AQR: variants seen among roughly 807,000 people sequenced by gnomAD.
AQR encodes aquarius intron-binding spliceosomal factor, also known as RNA helicase aquarius.
AQR carries 61 observed loss-of-function variants against 180.5 expected under a neutral mutation model. The observed-to-expected ratio is 0.34, with a 90% CI of 0.28 to 0.42. The LOEUF (loss-of-function observed/expected upper bound fraction) is 0.42, where lower values mean the gene tolerates loss of function less well. AQR is among the 10% of genes least tolerant of loss of function. The pLI, the probability that AQR is intolerant of heterozygous loss-of-function variation, is 1.00. For synonymous variants in AQR, 551 were observed against 588.8 expected (o/e 0.94, Z 0.93); for missense variants, 1,281 against 1,798.3 (o/e 0.71, Z 5.20).
intron 3 of AQR, among the ~76,000 whole-genome samples, chr15:34,956,254 G>A (rs1164232413): frequency 6.6e-6 from 1 of 152,034 alleles, no homozygotes; most frequent in Non-Finnish European, 1.5e-5. Context: ...CACCCTTTTT[G>A]AAAGCATAAA....
chr15:34,962,932 A>C (rs978190694), intron 2 of AQR, among the ~76,000 whole-genome samples: 3 of 152,160 alleles, frequency 2.0e-5, no homozygotes, highest in Non-Finnish European at 4.4e-5. Context: ...AAGAGTCTTC[A>C]TTACTTGTTG....
chr15:34,861,641 G>A (rs1892672568), intron 33 of AQR, among the ~76,000 whole-genome samples: 1 of 152,120 alleles, frequency 6.6e-6, no homozygotes, highest in Non-Finnish European at 1.5e-5. Flanking sequence ...CTCTTGTCAG[G>A]AATGTGCCTG....
chr15:34,912,040 C>T (rs1451082722), intron 16 of AQR, among the ~76,000 whole-genome samples: 1 of 152,052 alleles, frequency 6.6e-6, no homozygotes, highest in Non-Finnish European at 1.5e-5. Flanking sequence ...ATTTTCATTT[C>T]CCCATTGTAT....
At chr15:34,953,362 C>T (rs1057191223) in intron 3 of AQR, among the ~76,000 whole-genome samples, 5 of 152,008 alleles carry the variant, frequency 3.3e-5, no homozygotes, top group Non-Finnish European at 7.4e-5. Flanking sequence ...TACGCTGTCC[C>T]GAAGCAGACA....
At chr15:34,912,458 G>T (rs1008295555) in intron 16 of AQR, among the ~76,000 whole-genome samples, 1 of 151,656 alleles carries the variant, frequency 6.6e-6, no homozygotes, top group Non-Finnish European at 1.5e-5. Flanking sequence ...TCTTCATAAA[G>T]ACCATTTCAA....
intron 33 of AQR, among the ~76,000 whole-genome samples, chr15:34,862,022 C>T (rs1892677645): frequency 6.6e-6 from 1 of 151,946 alleles, no homozygotes; most frequent in African/African-American, 2.4e-5. Flanking sequence ...ATAAAAGTAA[C>T]ATATCTCTTC....
chr15:34,941,445 C>T (rs567691103), intron 7 of AQR, among the ~76,000 whole-genome samples: 35 of 152,240 alleles, frequency 2.3e-4, no homozygotes, highest in African/African-American at 7.5e-4. Flanking sequence ...TTTATACGTG[C>T]CTTATGTTTT....
chr15:34,861,170 G>T (rs1892666316), intron 33 of AQR, among the ~76,000 whole-genome samples: 2 of 152,210 alleles, frequency 1.3e-5, no homozygotes, highest in Admixed American at 1.3e-4. Context: ...TAAAGAGCAT[G>T]AAGTTAGAAA....
rs971119169 is a variant in AQR, at chr15:34,874,116, T to G, written c.3426-117A>C. On this transcript the variant is annotated intron_variant, in intron 29 of 34. Coordinates refer to ENST00000156471, the MANE Select transcript of AQR (RefSeq NM_014691.3). ...CTTTTAAATTTTCATGTTAGCCATT[T>G]TGGCTCATCTTTTAAGCAATAATGC... The G allele has an allele frequency of 1.0e-5, 11 of 1,089,650 alleles. No homozygotes were observed. The African/African-American group carries it at 1.6e-4, about 16-fold the overall frequency. 67.5% of individuals were successfully genotyped at this position (1,089,650 alleles called of 1,614,324 possible). A position where few individuals can be genotyped will look rare whatever the true frequency, so the allele number is the denominator to read the frequency against.
rs1254243471 is a variant in AQR at position 34,854,419 on chromosome 15, T to C, written c.*2373A>G. On this transcript the variant is annotated 3_prime_UTR_variant, in exon 35 of 35. Coordinates refer to ENST00000156471, the MANE Select transcript of AQR (RefSeq NM_014691.3). ...TAAGCAATCCCTCATGTGTGCTTGA[T>C]TGAAAAAATAAACAAAGCAGTGCCG... The C allele has an allele frequency of 6.6e-6, 1 of 152,180 alleles. No homozygotes were observed. The highest frequency in any genetic ancestry group is 1.9e-4 in the East Asian group (1 of 5,192). The allele number at this position is 152,180 out of a possible 1,614,324, so 9.4% of individuals were successfully genotyped here.
rs1434982801 is a variant in AQR, at chr15:34,852,698, T to C, written c.*4094A>G. The C allele has an allele frequency of 6.6e-6, 1 of 152,198 alleles. No homozygotes were observed. The highest frequency in any genetic ancestry group is 1.5e-5 in the Non-Finnish European group (1 of 68,040). The allele number at this position is 152,198 out of a possible 1,614,324, so 9.4% of individuals were successfully genotyped here. On this transcript the variant is annotated 3_prime_UTR_variant, in exon 35 of 35. Transcript: ENST00000156471. ...ATTAGCTAACAGTGCATTGTGATTC[T>C]GCAAAGGAGGAACAATAATTCACTG...
At chr15:34,930,426 C>T in intron 11 of AQR, 55 bp from the exon 12 acceptor site, 1 of 999,972 alleles carries the variant, frequency 1.0e-6, no homozygotes, top group Non-Finnish European at 1.6e-6. Context: ...CAAGAAAGCA[C>T]AATACTGTTT....
At chr15:34,864,736 A>G (rs189244552) in intron 32 of AQR, among the ~76,000 whole-genome samples, 2 of 152,088 alleles carry the variant, frequency 1.3e-5, no homozygotes, top group Non-Finnish European at 2.9e-5. Context: ...TGCAATGACC[A>G]CTGTATGGTC....
chr15:34,883,785 A>G (rs1299356212), intron 26 of AQR, among the ~76,000 whole-genome samples: 1 of 152,212 alleles, frequency 6.6e-6, no homozygotes, highest in Non-Finnish European at 1.5e-5. Context: ...TGATTCTGCA[A>G]TGATGTGGCA....
intron 33 of AQR, 129 bp downstream of exon 33, chr15:34,862,738 T>A: frequency 4.0e-6 from 4 of 1,005,876 alleles, no homozygotes; most frequent in Non-Finnish European, 5.8e-6. Flanking sequence ...AGTTCCTCAG[T>A]GCAGCACACT....
chr15:34,867,522 A>C lies in AQR; in HGVS notation c.3854+2T>G. 1 of 1,611,330 alleles carries C rather than the reference A, an allele frequency of 6.2e-7. No homozygotes were observed. The highest frequency in any genetic ancestry group is 8.5e-7 in the Non-Finnish European group (1 of 1,178,078). ...ATATTATGAAAGTTTTTTCCTACGT[A>C]CCTCAGATGGCCCACTGCCCTGGTT... On this transcript the variant is annotated splice_donor_variant, in intron 32 of 34. Coordinates refer to ENST00000156471, the MANE Select transcript of AQR (RefSeq NM_014691.3). LOFTEE classifies it high-confidence loss of function.
chr15:34,964,759 T>TAAAA (rs34620759), intron 1 of AQR, among the ~76,000 whole-genome samples: 5 of 146,250 alleles, frequency 3.4e-5, no homozygotes, highest in Non-Finnish European at 4.5e-5. Context: ...TAACAAAACC[T>TAAAA]AAAAAAAAAA....
chr15:34,921,879 C>T (rs983831581), intron 13 of AQR, among the ~76,000 whole-genome samples: 2 of 152,138 alleles, frequency 1.3e-5, no homozygotes, highest in Admixed American at 1.3e-4. Context: ...GGCATGATCT[C>T]AGCTCACTGT....
chr15:34,916,424 CATT>C (rs1259043974), intron 15 of AQR, among the ~76,000 whole-genome samples: 2 of 136,116 alleles, frequency 1.5e-5, no homozygotes, highest in Non-Finnish European at 3.2e-5. Context: ...ATAGTCTCAT[CATT>C]GTTGTCCATA....
Sources: gnomAD v4.1 joint callset for allele counts (sites outside exome capture counted in the v4.1 genomes callset) on GRCh38, gnomAD v4.1.1 for gene constraint, MANE v1.5 for transcripts, NCBI Gene and HGNC (gene_info 2026-07-23, HGNC 2026-07-21) for gene names.